Variants in DPYD observed in about 807,000 individuals in gnomAD.
The protein encoded by DPYD is dihydropyrimidine dehydrogenase, also known as dihydropyrimidine dehydrogenase [NADP(+)].
In DPYD, 109 loss-of-function variants were observed where a neutral mutation model predicts 116.2. The ratio of observed to expected loss-of-function variants is 0.94; its 90% CI spans 0.80 to 1.10. The LOEUF is 1.10. DPYD is among the 50% of genes least tolerant of loss of function. The pLI is 0.00. For synonymous variants in DPYD, 440 were observed against 432.0 expected, an observed-to-expected ratio of 1.02 and a Z score of -0.23; for missense variants, 1,302 against 1,254.5, an observed-to-expected ratio of 1.04 and a Z score of -0.57.
chr1:97,616,194 G>A (rs545284648), intron 8 of DPYD, among the ~76,000 whole-genome samples: 21 of 151,074 alleles, frequency 1.4e-4, no homozygotes, highest in East Asian at 7.8e-4. Flanking sequence ...TGTTCTTCTC[G>A]GCATTCTTTC....
rs571586005 is a variant in DPYD, at chr1:97,860,523, G to T, written c.150+22741C>A. ...AAACCAACACATAGCAGAGAATTAT[G>T]CACAAAGTAAAAAATTAAATACACA... On this transcript the variant is annotated intron_variant, in intron 2 of 22. Coordinates refer to ENST00000370192, the MANE Select transcript of DPYD (RefSeq NM_000110.4). Among the ~76,000 whole-genome samples, 125 of 152,218 alleles carry T rather than the reference G, an allele frequency of 8.2e-4. 3 individuals are homozygous for T. In the South Asian group the frequency reaches 0.025, roughly 30 times the overall value.
At chr1:97,279,277 A>G (rs527393137) in intron 18 of DPYD, among the ~76,000 whole-genome samples, 7 of 152,306 alleles carry the variant, frequency 4.6e-5, no homozygotes, top group Admixed American at 6.5e-5. Flanking sequence ...CAGATTGTAA[A>G]ATGATAACTG....
At chr1:97,852,388 G>A (rs1238898758) in intron 2 of DPYD, among the ~76,000 whole-genome samples, 1 of 151,874 alleles carries the variant, frequency 6.6e-6, no homozygotes. Flanking sequence ...TTATAAATGA[G>A]GAAACTGAGG....
chr1:97,087,474 G>A (rs1436024766), intron 21 of DPYD, among the ~76,000 whole-genome samples: 2 of 152,168 alleles, frequency 1.3e-5, no homozygotes, highest in Non-Finnish European at 2.9e-5. Context: ...ATTGGCCGGC[G>A]AGGGTGAGAG....
chr1:97,754,395 T>C (rs893028660), intron 3 of DPYD, among the ~76,000 whole-genome samples: 1 of 152,078 alleles, frequency 6.6e-6, no homozygotes, highest in Admixed American at 6.6e-5. Flanking sequence ...GCAAATAATA[T>C]ATAGTTTTGT....
At chr1:97,822,844 C>A (rs530263360) in intron 3 of DPYD, among the ~76,000 whole-genome samples, 5 of 152,170 alleles carry the variant, frequency 3.3e-5, no homozygotes, top group African/African-American at 4.8e-5. Flanking sequence ...TTTTTGTTTG[C>A]CATTAGAGTT....
At chr1:97,627,739 C>A (rs1275974942) in intron 8 of DPYD, among the ~76,000 whole-genome samples, 1 of 151,964 alleles carries the variant, frequency 6.6e-6, no homozygotes, top group Non-Finnish European at 1.5e-5. Context: ...TATCTTGAAA[C>A]ATTTATCCAG....
intron 20 of DPYD, among the ~76,000 whole-genome samples, chr1:97,118,370 C>T (rs1016507499): frequency 2.0e-5 from 3 of 152,078 alleles, no homozygotes; most frequent in Admixed American, 2.0e-4. Flanking sequence ...TGCTTAAACT[C>T]TCTTTCCATT....
intron 13 of DPYD, among the ~76,000 whole-genome samples, chr1:97,460,829 G>A (rs976041208): frequency 2.6e-5 from 4 of 151,902 alleles, no homozygotes; most frequent in African/African-American, 7.3e-5. Context: ...ACCCGAGGTC[G>A]GGAGTTCAAG....
intron 3 of DPYD, among the ~76,000 whole-genome samples, chr1:97,788,635 C>T (rs1667165670): frequency 6.6e-6 from 1 of 152,146 alleles, no homozygotes; most frequent in Admixed American, 6.5e-5. Context: ...CAATTGATAA[C>T]TAACATGAAG....
intron 14 of DPYD, among the ~76,000 whole-genome samples, chr1:97,426,437 G>A (rs1207226418): frequency 1.3e-5 from 2 of 152,090 alleles, no homozygotes; most frequent in African/African-American, 4.8e-5. Flanking sequence ...GGGGTAAGGA[G>A]GAAGAAGAGA....
intron 18 of DPYD, among the ~76,000 whole-genome samples, chr1:97,239,772 G>A (rs973576110): frequency 6.6e-6 from 1 of 152,060 alleles, no homozygotes; most frequent in South Asian, 2.1e-4. Flanking sequence ...TATAAGCTGT[G>A]TGACTTTGTG....
At chr1:97,342,894 TG>T (rs1195044466) in intron 16 of DPYD, among the ~76,000 whole-genome samples, 2 of 152,120 alleles carry the variant, frequency 1.3e-5, no homozygotes, top group Non-Finnish European at 2.9e-5. Flanking sequence ...ACCACCACTT[TG>T]AGAAGAACAA....
intron 3 of DPYD, among the ~76,000 whole-genome samples, chr1:97,744,639 CTAATAT>C (rs1664447002): frequency 6.6e-6 from 1 of 151,894 alleles, no homozygotes; most frequent in South Asian, 2.1e-4. Flanking sequence ...AAATATTTTC[CTAATAT>C]TAACATTGCA....
At chr1:97,850,951 A>G (rs1670539395) in intron 2 of DPYD, among the ~76,000 whole-genome samples, 1 of 152,036 alleles carries the variant, frequency 6.6e-6, no homozygotes, top group Admixed American at 6.6e-5. Flanking sequence ...CACAGAAAAA[A>G]ATGAATTGTC....
At position 97,173,249 on chromosome 1, in the gene DPYD, C is replaced by CATATATGCACACATATGTACAT. The variant is rs531934224; in HGVS notation, c.2622+19798_2622+19819dup. Among the ~76,000 whole-genome samples, 6 of 116,740 alleles carry CATATATGCACACATATGTACAT rather than the reference C, an allele frequency of 5.1e-5. No individual in the cohort carries two copies. In the South Asian group the frequency reaches 7.4e-4, roughly 14 times the overall value. 76.6% of individuals were successfully genotyped at this position (116,740 alleles called of 152,430 possible). The stretch of plus-strand genomic sequence containing the variant: ...ACATATATGCGCACACATATATGTA[C>CATATATGCACACATATGTACAT]ATATATGCACACATATGTACATATA... On this transcript the variant is annotated intron_variant, in intron 20 of 22. Coordinates refer to ENST00000370192, the MANE Select transcript of DPYD (RefSeq NM_000110.4).
At chr1:97,547,375 T>A (rs1301325318) in intron 12 of DPYD, among the ~76,000 whole-genome samples, 1 of 152,104 alleles carries the variant, frequency 6.6e-6, no homozygotes, top group African/African-American at 2.4e-5. Context: ...GCTTCCTCTG[T>A]CTGAGGCAAT....
intron 18 of DPYD, among the ~76,000 whole-genome samples, chr1:97,244,485 G>A (rs1662579122): frequency 6.6e-6 from 1 of 151,898 alleles, no homozygotes. Context: ...GCGCAGAGAG[G>A]TTTACCCAGA....
chr1:97,538,064 T>C (rs1271931137), intron 12 of DPYD, among the ~76,000 whole-genome samples: 2 of 130,266 alleles, frequency 1.5e-5, no homozygotes, highest in East Asian at 2.1e-4. Context: ...TGAAACTCTG[T>C]CTCAAAAAAA....
Sources: allele counts gnomAD v4.1 joint callset (sites outside exome capture counted in the v4.1 genomes callset), GRCh38; gene constraint gnomAD v4.1.1; transcripts MANE v1.5; gene names NCBI Gene and HGNC (gene_info 2026-07-23, HGNC 2026-07-21).